Variants in MAPK14 observed in about 807,000 individuals in gnomAD.
MAPK14 encodes CSAID-binding protein.
In MAPK14, 16 loss-of-function variants were observed where a neutral mutation model predicts 49.6. The observed-to-expected ratio is 0.32, with a 90% CI of 0.22 to 0.49. The LOEUF (loss-of-function observed/expected upper bound fraction) is 0.49, where lower values mean the gene tolerates loss of function less well. Ranked by LOEUF, MAPK14 falls within the 20% of genes least tolerant of loss-of-function variation. MAPK14 has a pLI of 0.99. For synonymous variants in MAPK14, 142 were observed against 158.0 expected, an observed-to-expected ratio of 0.90 and a Z score of 0.76; for missense variants, 200 against 441.2, an observed-to-expected ratio of 0.45 and a Z score of 4.90.
intron 8 of MAPK14, among the ~76,000 whole-genome samples, chr6:36,093,887 A>G (rs1765346806): frequency 6.6e-6 from 1 of 152,176 alleles, no homozygotes; most frequent in African/African-American, 2.4e-5. Flanking sequence ...GATTTTTCCC[A>G]TATATGATTT....
chr6:36,090,139 T>A (rs574797563), intron 8 of MAPK14, among the ~76,000 whole-genome samples: 45 of 151,744 alleles, frequency 3.0e-4, no homozygotes, highest in South Asian at 1.2e-3. Flanking sequence ...TCTTATATAT[T>A]TTTTTTTATT....
chr6:36,061,380 T>G (rs1763815352), intron 3 of MAPK14, among the ~76,000 whole-genome samples: 1 of 152,222 alleles, frequency 6.6e-6, no homozygotes, highest in African/African-American at 2.4e-5. Context: ...GTGTTACTGA[T>G]AGTGGTGCCT....
At chr6:36,118,629 A>AT in the MAPK14 span, among the ~76,000 whole-genome samples, 1 of 152,228 alleles carries the variant, frequency 6.6e-6, no homozygotes, top group African/African-American at 2.4e-5. Context: ...TGAGGTCACC[A>AT]TCCGCTGCCA....
rs142644187 is a variant in MAPK14, at chr6:36,072,722, G to A, written c.306-151G>A. The A allele has an allele frequency of 5.4e-3, 2,667 of 494,664 alleles. 65 individuals carry two copies. Among genetic ancestry groups the A allele is most frequent in the African/African-American group, 0.047 (2,381 of 50,646 alleles). The allele number at this position is 494,664 out of a possible 1,614,324, so 30.6% of individuals were successfully genotyped here. A position where few individuals can be genotyped will look rare whatever the true frequency, so the allele number is the denominator to read the frequency against. On this transcript the variant is annotated intron_variant, in intron 3 of 11. Coordinates refer to ENST00000229794, the MANE Select transcript of MAPK14 (RefSeq NM_139012.3). The stretch of plus-strand genomic sequence containing the variant: ...AGAGGTTGTAGTGAGCTGAGATTGC[G>A]CCACTGCACTCCAGCCTGGCAGTAG...
chr6:36,073,164 A>T lies in MAPK14; in HGVS notation c.417+180A>T, dbSNP rs1020330104. The T allele has an allele frequency of 3.4e-5, 20 of 590,120 alleles. No homozygotes were observed. In the African/African-American group the frequency reaches 3.5e-4, roughly 10 times the overall value. The allele number at this position is 590,120 out of a possible 1,614,324, so 36.6% of individuals were successfully genotyped here. On this transcript the variant is annotated intron_variant, in intron 4 of 11. Coordinates refer to ENST00000229794, the MANE Select transcript of MAPK14 (RefSeq NM_139012.3). ...TCACTCAGTGACAACAGTTACCGAC[A>T]TATGGCCAATCATGTTTCTTTTGTA...
At chr6:36,093,738 A>C (rs1321452525) in intron 8 of MAPK14, among the ~76,000 whole-genome samples, 3 of 151,758 alleles carry the variant, frequency 2.0e-5, no homozygotes, top group Non-Finnish European at 2.9e-5. Context: ...AAAAAAAAAA[A>C]AAAAACAACT....
chr6:36,113,343 TAAAA>T (rs35876911), downstream of MAPK14, among the ~76,000 whole-genome samples: 5 of 71,750 alleles, frequency 7.0e-5, no homozygotes, highest in African/African-American at 1.3e-4. Context: ...CCCTGTCTCA[TAAAA>T]AAAAAAAAAA....
intron 8 of MAPK14, among the ~76,000 whole-genome samples, chr6:36,081,850 A>T (rs768913802): frequency 1.3e-5 from 2 of 152,142 alleles, no homozygotes; most frequent in Non-Finnish European, 2.9e-5. Context: ...CATCTTAACC[A>T]CTATTAAGTC....
At chr6:36,106,658 C>T (rs1562156220) in intron 10 of MAPK14, among the ~76,000 whole-genome samples, 1 of 152,050 alleles carries the variant, frequency 6.6e-6, no homozygotes, top group Non-Finnish European at 1.5e-5. Flanking sequence ...GAAAAAAATA[C>T]ATATAAATAC....
rs774456386 is a variant in MAPK14 at position 36,108,490 on chromosome 6, G to A, written c.*43G>A. The A allele has an allele frequency of 2.0e-6, 3 of 1,495,580 alleles. No homozygotes were observed. Among genetic ancestry groups the A allele is most frequent in the Non-Finnish European group, 2.8e-6 (3 of 1,071,808 alleles). 92.6% of individuals were successfully genotyped at this position (1,495,580 alleles called of 1,614,324 possible). A position where few individuals can be genotyped will look rare whatever the true frequency, so the allele number is the denominator to read the frequency against. The stretch of plus-strand genomic sequence containing the variant: ...TGTTGATCCCACTTCACTGTGAGGG[G>A]AAGGCCTTTTCACGGGAACTCTCCA... On this transcript the variant is annotated 3_prime_UTR_variant, in exon 12 of 12. Coordinates refer to ENST00000229794, the MANE Select transcript of MAPK14 (RefSeq NM_139012.3).
chr6:36,090,326 CTTTCTT>C (rs1313706076), intron 8 of MAPK14, among the ~76,000 whole-genome samples: 1 of 151,622 alleles, frequency 6.6e-6, no homozygotes, highest in Non-Finnish European at 1.5e-5. Context: ...TTCAAATACT[CTTTCTT>C]TTTTTTTTTG....
intron 6 of MAPK14, among the ~76,000 whole-genome samples, chr6:36,074,991 C>A (rs1764464631): frequency 1.3e-5 from 2 of 151,588 alleles, no homozygotes; most frequent in African/African-American, 4.8e-5. Context: ...CTTTGGGAGG[C>A]CAAGGCGGGT....
At chr6:36,086,855 G>A (rs1310533167) in intron 8 of MAPK14, among the ~76,000 whole-genome samples, 1 of 152,072 alleles carries the variant, frequency 6.6e-6, no homozygotes, top group Non-Finnish European at 1.5e-5. Flanking sequence ...AAAACTTAAG[G>A]CCAATATCCC....
chr6:36,121,658 T>C, the MAPK14 span, among the ~76,000 whole-genome samples: 1 of 152,254 alleles, frequency 6.6e-6, no homozygotes, highest in Non-Finnish European at 1.5e-5. Context: ...TGGAGCTCTC[T>C]GTGACTCTTA....
chr6:36,083,651 C>T (rs371081096), intron 8 of MAPK14, among the ~76,000 whole-genome samples: 1 of 152,226 alleles, frequency 6.6e-6, no homozygotes, highest in Non-Finnish European at 1.5e-5. Context: ...CAGGGCCTCT[C>T]TGCGGGAATT....
the MAPK14 span, among the ~76,000 whole-genome samples, chr6:36,116,450 T>G: frequency 6.6e-6 from 1 of 152,266 alleles, no homozygotes; most frequent in East Asian, 1.9e-4. Flanking sequence ...AGAAAAGTAT[T>G]TGTTTGATAT....
intron 8 of MAPK14, among the ~76,000 whole-genome samples, chr6:36,086,031 A>G (rs551226116): frequency 1.5e-4 from 23 of 152,198 alleles, no homozygotes; most frequent in Non-Finnish European, 2.4e-4. Context: ...TTACGTGGAA[A>G]TTGGACAACC....
At position 36,037,635 on chromosome 6, in the gene MAPK14, G is replaced by A. The variant is rs368181243; in HGVS notation, c.116+9362G>A. Among the ~76,000 whole-genome samples, 183 of 152,174 alleles carry A rather than the reference G, an allele frequency of 1.2e-3. 3 individuals carry two copies. The South Asian group carries it at 0.036, about 30-fold the overall frequency. ...GAGTGCCTACCATGTATGGTTTGCCGTAAGTGCTGGAGATGAAATGTGAAC... is the reference window on the plus strand; with the variant it reads ...GAGTGCCTACCATGTATGGTTTGCCATAAGTGCTGGAGATGAAATGTGAAC... On this transcript the variant is annotated intron_variant, in intron 1 of 11. Transcript: ENST00000229794.
At chr6:36,042,381 T>C (rs1227521415) in intron 1 of MAPK14, among the ~76,000 whole-genome samples, 2 of 152,124 alleles carry the variant, frequency 1.3e-5, no homozygotes, top group African/African-American at 4.8e-5. Context: ...CTGGTAAATT[T>C]ATGTGTGCCT....
Sources: gnomAD v4.1 joint callset for allele counts (sites outside exome capture counted in the v4.1 genomes callset) on GRCh38, gnomAD v4.1.1 for gene constraint, MANE v1.5 for transcripts, NCBI Gene and HGNC (gene_info 2026-07-23, HGNC 2026-07-21) for gene names.